The following FAM184A variants were observed in gnomAD, a reference collection of about 807,000 sequenced individuals.
The protein encoded by FAM184A is protein FAM184A.
Under a neutral mutation model 143.8 loss-of-function variants are expected in FAM184A, and 99 were observed. The observed-to-expected ratio is 0.69, with a 90% CI of 0.58 to 0.81. The LOEUF (loss-of-function observed/expected upper bound fraction) is 0.81, where lower values mean the gene tolerates loss of function less well. FAM184A is among the 40% of genes least tolerant of loss of function. FAM184A has a pLI of 0.00. For missense variants in FAM184A, 1,217 were observed against 1,310.5 expected (o/e 0.93, Z 1.10); for synonymous variants, 427 against 446.4 (o/e 0.96, Z 0.55).
intron 3 of FAM184A, among the ~76,000 whole-genome samples, chr6:119,021,801 C>A (rs992830958): frequency 6.6e-6 from 1 of 152,002 alleles, no homozygotes; most frequent in African/African-American, 2.4e-5. Flanking sequence ...CATGGCAAGA[C>A]CCCGTCTTTA....
At chr6:119,075,101 T>C (rs12204929) in intron 1 of FAM184A, among the ~76,000 whole-genome samples, 6,674 of 152,344 alleles carry the variant, frequency 0.044, 256 homozygotes, top group East Asian at 0.2. Context: ...GCTTATCCTT[T>C]CATAGCCAGC....
At position 119,034,699 on chromosome 6, in the gene FAM184A, T is replaced by C. The variant is rs998250502; in HGVS notation, c.160-9886A>G. ...TAGTCTTTATTTTATAGGTTTTTAA[T>C]GTCAAGTTTCTCTTTGTGGAAATCT... On this transcript the variant is annotated intron_variant, in intron 1 of 17. Coordinates refer to ENST00000338891, the MANE Select transcript of FAM184A (RefSeq NM_024581.6). Among the ~76,000 whole-genome samples the C allele has an allele frequency of 1.3e-4, 20 of 152,262 alleles. No homozygotes were observed. The East Asian group carries it at 3.5e-3, about 26-fold the overall frequency.
chr6:118,991,839 T>C (rs1448565218), intron 9 of FAM184A, among the ~76,000 whole-genome samples: 2 of 136,284 alleles, frequency 1.5e-5, no homozygotes, highest in Non-Finnish European at 3.1e-5. Flanking sequence ...CTCGGCTCTC[T>C]GCAAGCTCCG....
At chr6:119,056,439 G>A (rs930565007) in intron 1 of FAM184A, among the ~76,000 whole-genome samples, 28 of 152,142 alleles carry the variant, frequency 1.8e-4, no homozygotes, top group African/African-American at 6.0e-4. Flanking sequence ...ACAAACCTAG[G>A]GTTCTATCGT....
upstream of FAM184A, chr6:119,078,834 C>G (rs1027847766): frequency 6.5e-6 from 1 of 153,808 alleles, no homozygotes; most frequent in African/African-American, 2.4e-5. The surrounding 1 kb of genome is among the most constrained non-coding windows in gnomAD (Gnocchi z 5.5). Context: ...AGTCCCGCAG[C>G]CCCGCGGCCA....
intron 1 of FAM184A, among the ~76,000 whole-genome samples, chr6:119,129,578 G>C (rs185066394): frequency 1.3e-5 from 2 of 152,250 alleles, no homozygotes; most frequent in Admixed American, 1.3e-4. Context: ...GAACCAGAGG[G>C]ATTAGGCATT....
intron 14 of FAM184A, among the ~76,000 whole-genome samples, chr6:118,973,074 GAGAA>G (rs1367336771): frequency 2.6e-5 from 4 of 152,106 alleles, no homozygotes; most frequent in Admixed American, 6.6e-5. Context: ...AAATATGATG[GAGAA>G]AGAATCATAA....
chr6:119,029,474 A>G (rs1272817019), intron 1 of FAM184A, among the ~76,000 whole-genome samples: 1 of 152,060 alleles, frequency 6.6e-6, no homozygotes. Context: ...TTTTCTTTAT[A>G]TCTAGAACCT....
intron 1 of FAM184A, among the ~76,000 whole-genome samples, chr6:119,121,711 A>G (rs1435682998): frequency 1.3e-5 from 2 of 152,206 alleles, no homozygotes; most frequent in Non-Finnish European, 2.9e-5. Flanking sequence ...TATATCACTT[A>G]TATCCGGCTT....
At chr6:119,003,434 T>C (rs1784825235) in intron 8 of FAM184A, 67 bp downstream of exon 8, 1 of 1,461,558 alleles carries the variant, frequency 6.8e-7, no homozygotes, top group Non-Finnish European at 9.3e-7. Flanking sequence ...TAGGATAATG[T>C]GAGTCATACA....
At chr6:119,053,641 C>T (rs1786849639) in intron 1 of FAM184A, among the ~76,000 whole-genome samples, 2 of 152,148 alleles carry the variant, frequency 1.3e-5, no homozygotes, top group African/African-American at 4.8e-5. Context: ...CACTAAGTGG[C>T]CCTTTAAAAA....
chr6:119,101,244 A>AT (rs961131588), intron 1 of FAM184A, among the ~76,000 whole-genome samples: 4 of 150,690 alleles, frequency 2.7e-5, no homozygotes, highest in African/African-American at 7.3e-5. Context: ...TTTTTTTTGT[A>AT]TTTTTTTAGT....
chr6:119,016,991 A>G (rs752514928), intron 4 of FAM184A, 47 bp from the exon 5 acceptor site: 1 of 1,336,948 alleles, frequency 7.5e-7, no homozygotes, highest in Non-Finnish European at 1.1e-6. Flanking sequence ...TTTTTTCATT[A>G]CTGTTATTAG....
intron 11 of FAM184A, among the ~76,000 whole-genome samples, chr6:118,977,885 G>A (rs1474359643): frequency 6.6e-6 from 1 of 152,134 alleles, no homozygotes; most frequent in Admixed American, 6.5e-5. Flanking sequence ...AACTGCATGT[G>A]AATCTACAAT....
intron 1 of FAM184A, among the ~76,000 whole-genome samples, chr6:119,084,355 T>C (rs576662116): frequency 5.3e-4 from 80 of 152,226 alleles, no homozygotes; most frequent in Non-Finnish European, 8.8e-4. Context: ...AAACCCAGTT[T>C]CTTTTGAGTT....
chr6:119,114,348 A>G (rs952551599), intron 1 of FAM184A, among the ~76,000 whole-genome samples: 5 of 152,154 alleles, frequency 3.3e-5, no homozygotes, highest in African/African-American at 1.2e-4. Context: ...GATTCCTCCC[A>G]TGAATTTCAG....
intron 1 of FAM184A, chr6:119,025,623 A>G (rs376208035): frequency 1.2e-5 from 6 of 518,926 alleles, no homozygotes; most frequent in Non-Finnish European, 1.9e-5. Flanking sequence ...CCTGCACAGT[A>G]ACACTCTCCT....
intron 15 of FAM184A, among the ~76,000 whole-genome samples, chr6:118,965,118 G>A (rs1783459225): frequency 6.6e-6 from 1 of 151,982 alleles, no homozygotes; most frequent in Non-Finnish European, 1.5e-5. Context: ...TGTTTCCACA[G>A]ATAAGGATGA....
Position 119,024,542 on chromosome 6 carries a change from T to C in FAM184A, c.431A>G (p.Glu144Gly). The C allele has an allele frequency of 6.2e-7, 1 of 1,614,140 alleles. No individual in the cohort carries two copies. Among genetic ancestry groups the C allele is most frequent in the South Asian group, 1.1e-5 (1 of 91,070 alleles). ...HRVEDMQLCA[E>G]AQHVQRIVTM... ...CACTATGCGTTGGACATGCTGGGCTTCTGCACAAAGTTGCATGTCCTCAAC... is the reference window on the plus strand; with the variant it reads ...CACTATGCGTTGGACATGCTGGGCTCCTGCACAAAGTTGCATGTCCTCAAC... The change falls in exon 2 of 18, where the codon GAA becomes GGA. Residue 144 changes from glutamate (E) to glycine (G), a missense_variant. Transcript: ENST00000338891.
Sources: allele counts gnomAD v4.1 joint callset (sites outside exome capture counted in the v4.1 genomes callset), GRCh38; gene constraint gnomAD v4.1.1; non-coding constraint Gnocchi (gnomAD v3.1); transcripts MANE v1.5; gene names NCBI Gene and HGNC (gene_info 2026-07-23, HGNC 2026-07-21).